CD226: variants seen among roughly 807,000 people sequenced by gnomAD.
CD226 encodes CD226 molecule, also known as CD226 antigen.
A neutral mutation model predicts 34.9 loss-of-function variants in CD226; 24 were observed. The observed-to-expected ratio is 0.69, with a 90% CI of 0.50 to 0.97. The LOEUF is 0.97. Ranked by LOEUF, CD226 falls within the 50% of genes least tolerant of loss-of-function variation. CD226 has a pLI of 0.00. For missense variants in CD226, 397 were observed against 412.7 expected (o/e 0.96, Z 0.33); for synonymous variants, 148 against 147.4 (o/e 1.00, Z -0.03).
chr18:69,913,969 A>T (rs981644995), intron 2 of CD226, among the ~76,000 whole-genome samples: 6 of 152,216 alleles, frequency 3.9e-5, no homozygotes, highest in African/African-American at 1.2e-4. Flanking sequence ...ATTGATCTTA[A>T]TGAGGTTTCT....
intron 2 of CD226, among the ~76,000 whole-genome samples, chr18:69,913,342 A>G (rs1180104766): frequency 3.3e-5 from 5 of 152,342 alleles, no homozygotes; most frequent in African/African-American, 1.2e-4. Flanking sequence ...AAGTGTGCCT[A>G]AAGGATTTGT....
At chr18:69,948,430 A>T (rs1245736456), upstream of CD226, among the ~76,000 whole-genome samples, 3 of 152,240 alleles carry the variant, frequency 2.0e-5, no homozygotes, top group Non-Finnish European at 4.4e-5. Flanking sequence ...TGGGAAAAGT[A>T]GGAGCAGAAA....
chr18:69,916,534 T>C (rs1282904222), intron 2 of CD226, among the ~76,000 whole-genome samples: 1 of 152,208 alleles, frequency 6.6e-6, no homozygotes, highest in Non-Finnish European at 1.5e-5. Context: ...CAAGAAACAA[T>C]GATGTGTTTG....
chr18:69,913,696 T>A (rs543429408), intron 2 of CD226, among the ~76,000 whole-genome samples: 1 of 152,232 alleles, frequency 6.6e-6, no homozygotes, highest in East Asian at 1.9e-4. Flanking sequence ...GCAGGAGAAG[T>A]CTCTGCAGGA....
At position 69,853,285 on chromosome 18, in the gene CD226, G is replaced by T. The variant is rs1418893804; in HGVS notation, c.*11029C>A. The T allele has an allele frequency of 6.6e-6, 1 of 152,182 alleles. No homozygotes were observed. The highest frequency in any genetic ancestry group is 2.4e-5 in the African/African-American group (1 of 41,444). The allele number at this position is 152,182 out of a possible 1,614,324, so 9.4% of individuals were successfully genotyped here. Reference sequence around the variant, plus strand: ...CTATGAGGCAAGTCTGTAGACGTAGGTCTTTATTTCACATTAAAATGACTC... The same window carrying T: ...CTATGAGGCAAGTCTGTAGACGTAGTTCTTTATTTCACATTAAAATGACTC... On this transcript the variant is annotated 3_prime_UTR_variant, in exon 6 of 6. Transcript: ENST00000582621.
At chr18:69,903,622 C>T (rs967712975) in intron 2 of CD226, among the ~76,000 whole-genome samples, 2 of 151,830 alleles carry the variant, frequency 1.3e-5, no homozygotes, top group Admixed American at 6.6e-5. Flanking sequence ...CCAATATGAC[C>T]GTGTCCTTAT....
Position 69,855,101 on chromosome 18 carries a change from T to G in CD226, c.*9213A>C, listed in dbSNP as rs1279255187. 1.4e-5 allele frequency: 2 copies of G among 146,196 alleles called. No individual in the cohort carries two copies. Among genetic ancestry groups the G allele is most frequent in the African/African-American group, 4.9e-5 (2 of 40,552 alleles). The allele number at this position is 146,196 out of a possible 1,614,324, so 9.1% of individuals were successfully genotyped here. ...TGTTCCTATTACATAACACACCAGATCTGGCTTGCAACAAAAAATTCAAAA... is the reference window on the plus strand; with the variant it reads ...TGTTCCTATTACATAACACACCAGAGCTGGCTTGCAACAAAAAATTCAAAA... On this transcript the variant is annotated 3_prime_UTR_variant, in exon 6 of 6. Coordinates refer to ENST00000582621, the MANE Select transcript of CD226 (RefSeq NM_001303618.2).
chr18:69,861,550 A>ATATG lies in CD226; in HGVS notation c.*2760_*2763dup, dbSNP rs1439809730. The ATATG allele has an allele frequency of 1.3e-5, 1 of 75,334 alleles. No homozygotes were observed. The highest frequency in any genetic ancestry group is 2.8e-5 in the Non-Finnish European group (1 of 35,752). 4.7% of individuals were successfully genotyped at this position (75,334 alleles called of 1,614,324 possible). On this transcript the variant is annotated 3_prime_UTR_variant, in exon 6 of 6. Transcript: ENST00000582621. The stretch of plus-strand genomic sequence containing the variant: ...CGATATAAATTATATGTGTATATAT[A>ATATG]TATGTATATATATATATATATATGT...
intron 4 of CD226, among the ~76,000 whole-genome samples, chr18:69,872,286 C>T (rs1983584256): frequency 1.3e-5 from 2 of 152,260 alleles, no homozygotes; most frequent in African/African-American, 4.8e-5. Flanking sequence ...GCTATGATTA[C>T]AGCAGATATG....
At chr18:69,940,981 T>C (rs1415208264) in intron 2 of CD226, among the ~76,000 whole-genome samples, 3 of 152,192 alleles carry the variant, frequency 2.0e-5, no homozygotes, top group African/African-American at 4.8e-5. Context: ...TGGTGCCCTA[T>C]GTCCCAGCCA....
intron 2 of CD226, among the ~76,000 whole-genome samples, chr18:69,906,689 C>T (rs2055257893): frequency 6.6e-6 from 1 of 152,180 alleles, no homozygotes; most frequent in African/African-American, 2.4e-5. Flanking sequence ...GAGTTTCAGA[C>T]AATATTCACG....
At chr18:69,892,326 A>T (rs1357771892) in intron 3 of CD226, among the ~76,000 whole-genome samples, 1 of 152,210 alleles carries the variant, frequency 6.6e-6, no homozygotes, top group Non-Finnish European at 1.5e-5. Flanking sequence ...TATTTGACAA[A>T]TTATTTTAGT....
At chr18:69,876,099 A>T (rs1043154415) in intron 3 of CD226, among the ~76,000 whole-genome samples, 12 of 151,854 alleles carry the variant, frequency 7.9e-5, no homozygotes, top group Non-Finnish European at 1.6e-4. Context: ...TTAATTATTT[A>T]AAAAAAAATT....
At chr18:69,907,261 C>A (rs1016797564) in intron 2 of CD226, among the ~76,000 whole-genome samples, 1 of 152,194 alleles carries the variant, frequency 6.6e-6, no homozygotes, top group Non-Finnish European at 1.5e-5. Flanking sequence ...CTAAATTGTA[C>A]TTGGAGCCTA....
intron 3 of CD226, among the ~76,000 whole-genome samples, chr18:69,893,732 C>G (rs879379178): frequency 2.0e-5 from 3 of 152,146 alleles, no homozygotes; most frequent in Non-Finnish European, 4.4e-5. Context: ...AAATATTTCA[C>G]CAACCACTCA....
At chr18:69,961,676 T>TC (rs1319869857), upstream of CD226, 2 of 152,052 alleles carry the variant, frequency 1.3e-5, no homozygotes, top group African/African-American at 2.4e-5. Context: ...CTGTTTTTAG[T>TC]CCCCCTCTCT....
At chr18:69,877,345 G>A (rs1399104074) in intron 3 of CD226, among the ~76,000 whole-genome samples, 1 of 152,196 alleles carries the variant, frequency 6.6e-6, no homozygotes, top group Non-Finnish European at 1.5e-5. Flanking sequence ...CATGTGTAAA[G>A]GGGCACAGAG....
upstream of CD226, among the ~76,000 whole-genome samples, chr18:69,961,165 A>G (rs571477761): frequency 1.4e-3 from 206 of 152,356 alleles, 1 homozygote; most frequent in African/African-American, 4.6e-3. Flanking sequence ...ATGTATATGT[A>G]GGTATAATTG....
chr18:69,890,389 A>T (rs1268063793), intron 3 of CD226, among the ~76,000 whole-genome samples: 2 of 152,058 alleles, frequency 1.3e-5, no homozygotes, highest in Non-Finnish European at 2.9e-5. Context: ...TGAGCCCAGG[A>T]CCATCCTTGA....
Sources: gnomAD v4.1 joint callset for allele counts (sites outside exome capture counted in the v4.1 genomes callset) on GRCh38, gnomAD v4.1.1 for gene constraint, MANE v1.5 for transcripts, NCBI Gene and HGNC (gene_info 2026-07-23, HGNC 2026-07-21) for gene names.